Variants in TFDP2 observed in about 807,000 individuals in gnomAD.
TFDP2 encodes the protein transcription factor Dp-2 (E2F dimerization partner 2).
TFDP2 carries 17 observed loss-of-function variants against 59.3 expected under a neutral mutation model. The observed-to-expected ratio is 0.29, with a 90% CI of 0.20 to 0.43. TFDP2 has a LOEUF of 0.43. Among genes scored for constraint, TFDP2 ranks in the 20% least tolerant of loss-of-function variants. The probability of loss-of-function intolerance (pLI) is 1.00; values close to 1 mark genes in which losing one functional copy is unlikely to be tolerated. For synonymous variants in TFDP2, 180 were observed against 194.7 expected (o/e 0.92, Z 0.63); for missense variants, 391 against 528.8 (o/e 0.74, Z 2.56).
intron 1 of TFDP2, among the ~76,000 whole-genome samples, chr3:142,102,159 T>C (rs1303800702): frequency 2.0e-5 from 3 of 152,318 alleles, no homozygotes; most frequent in Admixed American, 1.3e-4. Flanking sequence ...CTGATTCTAG[T>C]ACAAGATAAA....
intron 1 of TFDP2, among the ~76,000 whole-genome samples, chr3:142,145,128 A>G (rs535167847): frequency 6.6e-6 from 1 of 152,328 alleles, no homozygotes; most frequent in South Asian, 2.1e-4. Context: ...ATGGGCATTT[A>G]ATAAATTTAT....
At chr3:142,031,961 C>T (rs1946450365) in intron 3 of TFDP2, among the ~76,000 whole-genome samples, 1 of 152,172 alleles carries the variant, frequency 6.6e-6, no homozygotes, top group African/African-American at 2.4e-5. Context: ...ACAAGCACTA[C>T]ACCTAAAGCA....
At chr3:142,013,997 A>G (rs1395451544) in intron 3 of TFDP2, among the ~76,000 whole-genome samples, 1 of 152,170 alleles carries the variant, frequency 6.6e-6, no homozygotes, top group Non-Finnish European at 1.5e-5. Flanking sequence ...ACATCCTCCT[A>G]CAAGAACCAA....
At chr3:142,062,727 A>C (rs2108520034) in intron 3 of TFDP2, among the ~76,000 whole-genome samples, 1 of 152,266 alleles carries the variant, frequency 6.6e-6, no homozygotes, top group Non-Finnish European at 1.5e-5. Flanking sequence ...TAATATTCCC[A>C]AACTTAAAAT....
At chr3:142,033,767 G>A (rs1471397333) in intron 3 of TFDP2, among the ~76,000 whole-genome samples, 1 of 152,104 alleles carries the variant, frequency 6.6e-6, no homozygotes, top group Admixed American at 6.6e-5. Context: ...GACAGAAATC[G>A]AACTCAAACT....
intron 6 of TFDP2, among the ~76,000 whole-genome samples, chr3:141,985,873 G>A (rs1942045803): frequency 6.6e-6 from 1 of 152,128 alleles, no homozygotes; most frequent in East Asian, 1.9e-4. Flanking sequence ...TTTAATAAGG[G>A]ATTTCCATCT....
intron 3 of TFDP2, among the ~76,000 whole-genome samples, chr3:142,038,963 C>T (rs923373247): frequency 1.5e-4 from 23 of 152,122 alleles, no homozygotes; most frequent in African/African-American, 4.8e-4. Context: ...GATAAATCAA[C>T]GGCACAGACA....
chr3:141,948,214 T>C lies in TFDP2; in HGVS notation c.*4299A>G, dbSNP rs1935465650. The C allele has an allele frequency of 6.6e-6, 1 of 152,138 alleles. No individual in the cohort carries two copies. Among genetic ancestry groups the C allele is most frequent in the African/African-American group, 2.4e-5 (1 of 41,412 alleles). The allele number at this position is 152,138 out of a possible 1,614,324, so 9.4% of individuals were successfully genotyped here. ...TTGTTAGGGGAGGGAGCTTGATAGATATTAAAGGGCCCTTGAAAGGAAATA... is the reference window on the plus strand; with the variant it reads ...TTGTTAGGGGAGGGAGCTTGATAGACATTAAAGGGCCCTTGAAAGGAAATA... On this transcript the variant is annotated 3_prime_UTR_variant, in exon 13 of 13. Transcript: ENST00000489671.
At chr3:141,978,075 T>C (rs1576547847) in intron 7 of TFDP2, among the ~76,000 whole-genome samples, 1 of 149,916 alleles carries the variant, frequency 6.7e-6, no homozygotes, top group East Asian at 2.0e-4. Flanking sequence ...CTGGGTACAG[T>C]GGCTCACGCC....
intron 1 of TFDP2, among the ~76,000 whole-genome samples, chr3:142,109,873 T>C (rs1339262448): frequency 1.3e-5 from 2 of 152,148 alleles, no homozygotes; most frequent in Non-Finnish European, 2.9e-5. Flanking sequence ...CTTATTTTTA[T>C]GTTCACTGCT....
At chr3:142,109,290 C>T (rs2061569853) in intron 1 of TFDP2, among the ~76,000 whole-genome samples, 1 of 151,964 alleles carries the variant, frequency 6.6e-6, no homozygotes, top group South Asian at 2.1e-4. Context: ...AAAGGCCATG[C>T]AGACATTTAA....
intron 3 of TFDP2, chr3:142,044,085 A>C (rs1272089442): frequency 4.6e-6 from 3 of 648,690 alleles, no homozygotes; most frequent in Non-Finnish European, 8.6e-6. Flanking sequence ...GCATCTGCTG[A>C]CGGGAGTTGG....
intron 1 of TFDP2, among the ~76,000 whole-genome samples, chr3:142,133,178 T>C (rs2062580697): frequency 6.7e-6 from 1 of 150,172 alleles, no homozygotes; most frequent in Non-Finnish European, 1.5e-5. Flanking sequence ...TATAATACTA[T>C]ATGTATAACT....
Position 141,950,100 on chromosome 3 carries a change from C to A in TFDP2, c.*2413G>T, listed in dbSNP as rs1163889434. 1.3e-5 allele frequency: 2 copies of A among 152,226 alleles called. No individual in the cohort carries two copies. The highest frequency in any genetic ancestry group is 4.8e-5 in the African/African-American group (2 of 41,416). The allele number at this position is 152,226 out of a possible 1,614,324, so 9.4% of individuals were successfully genotyped here. A position where few individuals can be genotyped will look rare whatever the true frequency, so the allele number is the denominator to read the frequency against. The stretch of plus-strand genomic sequence containing the variant: ...ACGATTACAGGCGAGAGGCACTGCA[C>A]CCAGCCCATGGTTTCCTAACACTGC... On this transcript the variant is annotated 3_prime_UTR_variant, in exon 13 of 13. Coordinates refer to ENST00000489671, the MANE Select transcript of TFDP2 (RefSeq NM_001178139.2).
chr3:142,018,096 C>T (rs1355676114), intron 3 of TFDP2, among the ~76,000 whole-genome samples: 1 of 152,152 alleles, frequency 6.6e-6, no homozygotes, highest in Non-Finnish European at 1.5e-5. Flanking sequence ...GCACCCATCA[C>T]CACGCTTGGC....
chr3:142,146,934 T>TA (rs1019683796), intron 1 of TFDP2, among the ~76,000 whole-genome samples: 2 of 151,804 alleles, frequency 1.3e-5, no homozygotes, highest in Admixed American at 6.6e-5. Flanking sequence ...TTATAAAAAT[T>TA]AGAGTTGTCC....
intron 3 of TFDP2, among the ~76,000 whole-genome samples, chr3:142,017,096 T>C (rs370568343): frequency 2.0e-4 from 30 of 152,340 alleles, no homozygotes; most frequent in African/African-American, 7.2e-4. Context: ...GTCTGCTAAG[T>C]TGACACGGCA....
chr3:141,977,786 C>T (rs1940921703), intron 7 of TFDP2, among the ~76,000 whole-genome samples: 1 of 151,870 alleles, frequency 6.6e-6, no homozygotes, highest in Non-Finnish European at 1.5e-5. Context: ...TCTTGGCTTA[C>T]TGCAACCTCC....
intron 3 of TFDP2, among the ~76,000 whole-genome samples, chr3:142,079,654 A>G (rs2060571106): frequency 6.6e-6 from 1 of 152,176 alleles, no homozygotes; most frequent in Admixed American, 6.5e-5. Flanking sequence ...GAGAAAAGAA[A>G]CAAATAACAT....
Sources: allele counts gnomAD v4.1 joint callset (sites outside exome capture counted in the v4.1 genomes callset), GRCh38; gene constraint gnomAD v4.1.1; transcripts MANE v1.5; gene names NCBI Gene and HGNC (gene_info 2026-07-23, HGNC 2026-07-21).